The following GUCY2C variants were observed in gnomAD, a reference collection of about 807,000 sequenced individuals.
GUCY2C encodes the protein guanylyl cyclase C.
In GUCY2C, 118 loss-of-function variants were observed where a neutral mutation model predicts 131.1. The observed-to-expected ratio is 0.90, with a 90% CI of 0.78 to 1.05. The LOEUF is 1.05. Among genes scored for constraint, GUCY2C ranks in the 50% least tolerant of loss-of-function variants. The pLI, the probability that GUCY2C is intolerant of heterozygous loss-of-function variation, is 0.00. For missense variants in GUCY2C, 1,161 were observed against 1,304.4 expected, an observed-to-expected ratio of 0.89 and a Z score of 1.69; for synonymous variants, 452 against 457.8, an observed-to-expected ratio of 0.99 and a Z score of 0.16.
intron 3 of GUCY2C, among the ~76,000 whole-genome samples, chr12:14,685,569 A>T (rs987929561): frequency 1.3e-5 from 2 of 152,236 alleles, no homozygotes; most frequent in South Asian, 2.1e-4. Flanking sequence ...TGATAATTAC[A>T]TTGTGTAAAA....
intron 5 of GUCY2C, among the ~76,000 whole-genome samples, chr12:14,681,067 T>C (rs928640173): frequency 2.0e-5 from 3 of 152,088 alleles, no homozygotes; most frequent in African/African-American, 7.2e-5. Flanking sequence ...TGAGGGTGGG[T>C]CATAATATCA....
At chr12:14,639,333 A>T (rs1269934236) in intron 19 of GUCY2C, among the ~76,000 whole-genome samples, 2 of 148,006 alleles carry the variant, frequency 1.4e-5, no homozygotes, top group South Asian at 2.1e-4. Flanking sequence ...AGAGAATGAG[A>T]TGTGTGCTTT....
At chr12:14,684,032 C>G (rs1948407954) in intron 3 of GUCY2C, among the ~76,000 whole-genome samples, 1 of 152,170 alleles carries the variant, frequency 6.6e-6, no homozygotes, top group Non-Finnish European at 1.5e-5. Flanking sequence ...TCCAGGCCCT[C>G]CTTCTCTGCT....
rs1565634585 is a variant in GUCY2C, at chr12:14,683,315, T to C, written c.396-58A>G. 10 of 1,027,608 alleles carry C rather than the reference T, an allele frequency of 9.7e-6. No individual in the cohort carries two copies. The East Asian group carries it at 2.1e-4, about 22-fold the overall frequency. The allele number at this position is 1,027,608 out of a possible 1,614,324, so 63.7% of individuals were successfully genotyped here. On this transcript the variant is annotated intron_variant, in intron 3 of 26. Coordinates refer to ENST00000261170, the MANE Select transcript of GUCY2C (RefSeq NM_004963.4). Reference sequence around the variant, plus strand: ...TCAGTATTAACTTAAGTAGCACAAATAAGATCCCTCTTTAACCTGTTTCAG... The same window carrying C: ...TCAGTATTAACTTAAGTAGCACAAACAAGATCCCTCTTTAACCTGTTTCAG...
At chr12:14,618,224 G>A (rs1404425695) in intron 24 of GUCY2C, among the ~76,000 whole-genome samples, 2 of 152,190 alleles carry the variant, frequency 1.3e-5, no homozygotes, top group African/African-American at 2.4e-5. Context: ...TCAATTCTTG[G>A]TTGGGTATGA....
At chr12:14,695,280 A>C (rs1948636665) in intron 1 of GUCY2C, among the ~76,000 whole-genome samples, 1 of 152,140 alleles carries the variant, frequency 6.6e-6, no homozygotes, top group Admixed American at 6.5e-5. Context: ...CCTTTATTTT[A>C]CACATTTCAT....
At chr12:14,647,127 C>T (rs916689753) in intron 15 of GUCY2C, among the ~76,000 whole-genome samples, 1 of 152,114 alleles carries the variant, frequency 6.6e-6, no homozygotes, top group East Asian at 1.9e-4. Context: ...TATCTGAGCA[C>T]CATTTTTAAA....
chr12:14,639,857 C>T lies in GUCY2C; in HGVS notation c.2157+5G>A, dbSNP rs1947357083. On this transcript the variant is annotated splice_donor_5th_base_variant and intron_variant, in intron 19 of 26. Transcript: ENST00000261170. ...AAGGAAATGAATACGGGAAGATATA[C>T]TCACTTCTAGCTCTTTTTCCTCTGC... 1 of 1,522,994 alleles carries T rather than the reference C, an allele frequency of 6.6e-7. No individual in the cohort carries two copies. Among genetic ancestry groups the T allele is most frequent in the African/African-American group, 1.4e-5 (1 of 73,202 alleles). The allele number at this position is 1,522,994 out of a possible 1,614,324, so 94.3% of individuals were successfully genotyped here.
At chr12:14,674,566 C>T in intron 8 of GUCY2C, 59 bp downstream of exon 8, 1 of 1,523,588 alleles carries the variant, frequency 6.6e-7, no homozygotes, top group Non-Finnish European at 9.1e-7. Flanking sequence ...TGCCCCAAAT[C>T]CACTCAGAAA....
In GUCY2C at chr12:14,686,216, G is replaced by C. The variant is rs376869445; in HGVS notation, c.340C>G (p.Arg114Gly). Residue 114 changes from arginine (R) to glycine (G), a missense_variant, in exon 3 of 27, where the codon CGG becomes GGG. Arg to Gly is a moderately radical substitution (Grantham distance 125). Coordinates refer to ENST00000261170, the MANE Select transcript of GUCY2C (RefSeq NM_004963.4). The stretch of plus-strand genomic sequence containing the variant: ...GGCCCTATGAGGACACAGCCCATCC[G>C]TTGTGCATTCTGTAGGAGAGAAAAC... ...DLLRKISNAQ[R>G]MGCVLIGPSC... 2.5e-6 allele frequency: 4 copies of C among 1,604,360 alleles called. No homozygotes were observed. Among genetic ancestry groups the C allele is most frequent in the Non-Finnish European group, 3.4e-6 (4 of 1,171,292 alleles).
chr12:14,637,194 A>C (rs1287859491), intron 19 of GUCY2C, among the ~76,000 whole-genome samples: 1 of 40,772 alleles, frequency 2.5e-5, no homozygotes, highest in Non-Finnish European at 6.6e-5. Context: ...TACAATAGCT[A>C]CCAAAAAAAA....
At chr12:14,624,184 T>C (rs1946957173) in intron 21 of GUCY2C, among the ~76,000 whole-genome samples, 1 of 152,176 alleles carries the variant, frequency 6.6e-6, no homozygotes, top group Non-Finnish European at 1.5e-5. Flanking sequence ...CTCACACCTG[T>C]AATCCCAGCA....
At chr12:14,619,066 C>T (rs1946838933) in intron 24 of GUCY2C, 145 bp downstream of exon 24, 2 of 553,258 alleles carry the variant, frequency 3.6e-6, no homozygotes, top group East Asian at 2.9e-5. Flanking sequence ...GGTGGATTGA[C>T]ACGGGTTTGT....
chr12:14,620,479 C>T (rs1448810654), intron 23 of GUCY2C, among the ~76,000 whole-genome samples: 4 of 152,192 alleles, frequency 2.6e-5, no homozygotes, highest in Non-Finnish European at 5.9e-5. Flanking sequence ...TTATTCTTTG[C>T]TCAATCAAAC....
intron 13 of GUCY2C, 95 bp downstream of exon 13, chr12:14,652,857 C>T (rs1453396101): frequency 2.4e-6 from 2 of 836,366 alleles, no homozygotes. Context: ...GGGACTCCCA[C>T]CATTGTGATA....
chr12:14,630,085 A>T lies in GUCY2C; in HGVS notation c.2158-1348T>A, dbSNP rs573936255. 3.3e-5 allele frequency among the ~76,000 whole-genome samples: 5 copies of T among 150,378 alleles called. No homozygotes were observed. In the East Asian group the frequency reaches 9.7e-4, roughly 29 times the overall value. ...GAAGCCCAACTGCTCATCTGCTACC[A>T]CCTGTTTGCAGCTTTTTTTTTTTTA... On this transcript the variant is annotated intron_variant, in intron 19 of 26. Transcript: ENST00000261170.
chr12:14,643,543 G>A (rs929176521), intron 17 of GUCY2C, 31 bp downstream of exon 17: 5 of 1,608,566 alleles, frequency 3.1e-6, no homozygotes, highest in Non-Finnish European at 3.4e-6. Context: ...AATCAGTTAG[G>A]AAACTAGTGA....
intron 1 of GUCY2C, among the ~76,000 whole-genome samples, chr12:14,692,462 G>A (rs1948592267): frequency 6.6e-6 from 1 of 151,880 alleles, no homozygotes; most frequent in Non-Finnish European, 1.5e-5. Context: ...TGTTTAAAAT[G>A]TTTCTCAGTT....
chr12:14,652,021 G>GAATC lies in GUCY2C; in HGVS notation c.1539_1542dup (p.Leu515AspfsTer9). The GAATC allele has an allele frequency of 6.3e-7, 1 of 1,594,266 alleles. No homozygotes were observed. Among genetic ancestry groups the GAATC allele is most frequent in the Non-Finnish European group, 8.6e-7 (1 of 1,162,558 alleles). On this transcript the variant is annotated frameshift_variant, in exon 14 of 27. Transcript: ENST00000261170. LOFTEE classifies it high-confidence loss of function. ...CCATCATTGTGCTTGAGATCTTTGA[G>GAATC]AATCACTCGCTGCAAAAATCAATGA... is the stretch of plus-strand genomic sequence containing the variant.
Sources: allele counts gnomAD v4.1 joint callset (sites outside exome capture counted in the v4.1 genomes callset), GRCh38; gene constraint gnomAD v4.1.1; transcripts MANE v1.5; gene names NCBI Gene and HGNC (gene_info 2026-07-23, HGNC 2026-07-21).